The following KIF1A variants were observed in gnomAD, a reference collection of about 807,000 sequenced individuals.
KIF1A encodes the protein kinesin-like protein KIF1A.
In KIF1A, 46 loss-of-function variants were observed where a neutral mutation model predicts 227.3. The ratio of observed to expected loss-of-function variants is 0.20; its 90% CI spans 0.16 to 0.26. KIF1A has a LOEUF of 0.26. Among genes scored for constraint, KIF1A ranks in the 10% least tolerant of loss-of-function variants. The pLI, the probability that KIF1A is intolerant of heterozygous loss-of-function variation, is 1.00. For missense variants in KIF1A, 1,683 were observed against 2,485.9 expected (o/e 0.68, Z 6.87); for synonymous variants, 1,022 against 1,012.8 (o/e 1.01, Z -0.17).
At chr2:240,812,963 A>ACCTCGGAGATCCG (rs1575678011) in intron 1 of KIF1A, among the ~76,000 whole-genome samples, 10 of 60,038 alleles carry the variant, frequency 1.7e-4, no homozygotes, top group African/African-American at 4.6e-4. Flanking sequence ...TCAAGGATCC[A>ACCTCGGAGATCCG]CCTTCACCTC....
rs1390075727 is a variant in KIF1A at position 240,778,340 on chromosome 2, C to T, written c.883-2414G>A. ...CACAGGCGTTCCTCACCATTCTCCA[C>T]ACGCCAGTCCCCACCGTCCCTGACA... On this transcript the variant is annotated intron_variant, in intron 10 of 48. Transcript: ENST00000498729. This position sits in a 1 kb window ranked among gnomAD's most constrained non-coding sequence, Gnocchi z 7.2. Among the ~76,000 whole-genome samples the T allele has an allele frequency of 6.6e-6, 1 of 152,016 alleles. No individual in the cohort carries two copies. Among genetic ancestry groups the T allele is most frequent in the Non-Finnish European group, 1.5e-5 (1 of 67,998 alleles).
chr2:240,792,425 C>G lies in KIF1A; in HGVS notation c.107-3113G>C, dbSNP rs1022398197. Among the ~76,000 whole-genome samples the G allele has an allele frequency of 1.3e-5, 2 of 152,094 alleles. No individual in the cohort carries two copies. The highest frequency in any genetic ancestry group is 2.9e-5 in the Non-Finnish European group (2 of 68,012). On this transcript the variant is annotated intron_variant, in intron 2 of 48. Transcript: ENST00000498729. This position sits in a 1 kb window ranked among gnomAD's most constrained non-coding sequence, Gnocchi z 4.5. ...TCTGGCCAGGCCCCCAGAGCTGGGC[C>G]CCTCCAAGGCCGGCGAGGTGCCCAG...
Position 240,790,909 on chromosome 2 carries a change from T to C in KIF1A, c.107-1597A>G, listed in dbSNP as rs1259055048. On this transcript the variant is annotated intron_variant, in intron 2 of 48. Coordinates refer to ENST00000498729, the MANE Select transcript of KIF1A (RefSeq NM_001244008.2). The surrounding 1 kb of genome is among the most constrained non-coding windows in gnomAD (Gnocchi z 5.0). Reference sequence around the variant, plus strand: ...CCAGAATCACGAGACAGCACACTTCTGTTTGCGGTGCTTCCTTATGGCAGT... The same window carrying C: ...CCAGAATCACGAGACAGCACACTTCCGTTTGCGGTGCTTCCTTATGGCAGT... 1.3e-5 allele frequency among the ~76,000 whole-genome samples: 2 copies of C among 152,144 alleles called. No homozygotes were observed. The highest frequency in any genetic ancestry group is 3.9e-4 in the East Asian group (2 of 5,180).
chr2:240,772,344 A>G (rs1362164882), intron 14 of KIF1A, among the ~76,000 whole-genome samples: 1 of 152,104 alleles, frequency 6.6e-6, no homozygotes, highest in Admixed American at 6.5e-5. Flanking sequence ...TGTAGACCAT[A>G]TGGGTGGGAA....
At chr2:240,808,555 C>G (rs2057610418) in intron 1 of KIF1A, among the ~76,000 whole-genome samples, 1 of 151,554 alleles carries the variant, frequency 6.6e-6, no homozygotes, top group Non-Finnish European at 1.5e-5. Context: ...ATCTGTAGTA[C>G]CAGCTCCTTG....
chr2:240,724,102 G>T, intron 40 of KIF1A, 66 bp from the exon 41 acceptor site: 1 of 1,426,650 alleles, frequency 7.0e-7, no homozygotes, highest in Non-Finnish European at 9.9e-7. Context: ...CAGCCAGCCT[G>T]GCTGCTGACT....
chr2:240,747,938 T>G (rs748527348), intron 28 of KIF1A, among the ~76,000 whole-genome samples: 18 of 152,238 alleles, frequency 1.2e-4, no homozygotes, highest in Non-Finnish European at 2.5e-4. Flanking sequence ...AACAGCAAAC[T>G]GACCTCGCCC....
At chr2:240,801,552 T>C (rs1391400787) in intron 1 of KIF1A, among the ~76,000 whole-genome samples, 1 of 152,178 alleles carries the variant, frequency 6.6e-6, no homozygotes, top group East Asian at 1.9e-4. Context: ...AGAAATGGAA[T>C]GGGGGTGCCA....
intron 42 of KIF1A, 57 bp from the exon 43 acceptor site, chr2:240,722,713 G>T: frequency 7.3e-7 from 1 of 1,367,230 alleles, no homozygotes. Flanking sequence ...CTCCGGAGTT[G>T]TGCTCAGCCT....
chr2:240,811,552 G>A (rs2057867060), intron 1 of KIF1A, among the ~76,000 whole-genome samples: 1 of 152,108 alleles, frequency 6.6e-6, no homozygotes, highest in Non-Finnish European at 1.5e-5. Context: ...GGGGGTTGCG[G>A]TCCACAGTGC....
At chr2:240,762,226 T>C (rs2050618731) in intron 23 of KIF1A, among the ~76,000 whole-genome samples, 1 of 152,248 alleles carries the variant, frequency 6.6e-6, no homozygotes, top group African/African-American at 2.4e-5. Flanking sequence ...GGGCCACCTC[T>C]GCCCACAGCT....
At chr2:240,809,599 A>G (rs1314169426) in intron 1 of KIF1A, among the ~76,000 whole-genome samples, 1 of 152,104 alleles carries the variant, frequency 6.6e-6, no homozygotes, top group Non-Finnish European at 1.5e-5. Context: ...AAAGACCTCT[A>G]TGTTAACAAA....
chr2:240,787,290 G>C lies in KIF1A; in HGVS notation c.390C>G (p.Ile130Met), dbSNP rs778005012. Residue 130 changes from isoleucine (I) to methionine (M), a missense_variant, in exon 5 of 49, where the codon ATC (isoleucine) becomes ATG (methionine). Coordinates refer to ENST00000498729, the MANE Select transcript of KIF1A (RefSeq NM_001244008.2). ...ACATGTTGTCGTTGGTCGTGTCGTT[G>C]ATCCGAGAGAAGAGGTCCTCGCAGA... The part of the protein sequence containing the change: ...PQLCEDLFSR[I>M]NDTTNDNMSY... The C allele has an allele frequency of 6.2e-7, 1 of 1,613,420 alleles. No individual in the cohort carries two copies. The highest frequency in any genetic ancestry group is 8.5e-7 in the Non-Finnish European group (1 of 1,179,772).
chr2:240,731,091 GA>G (rs1343445139), intron 38 of KIF1A, among the ~76,000 whole-genome samples: 2 of 151,664 alleles, frequency 1.3e-5, no homozygotes, highest in South Asian at 4.2e-4. Context: ...AACCTGGCCT[GA>G]GGGCAAATCT....
At chr2:240,759,153 G>A (rs1336163445) in intron 25 of KIF1A, among the ~76,000 whole-genome samples, 5 of 151,202 alleles carry the variant, frequency 3.3e-5, no homozygotes, top group African/African-American at 1.2e-4. Context: ...GAGTGTGTGT[G>A]TGTGTGTGTG....
rs974275413 is a variant in KIF1A, at chr2:240,789,411, G to A, written c.107-99C>T. 82 of 1,019,796 alleles carry A rather than the reference G, an allele frequency of 8.0e-5. 1 individual carries two copies. Among genetic ancestry groups the A allele is most frequent in the Non-Finnish European group, 1.1e-4 (71 of 655,694 alleles). 63.2% of individuals were successfully genotyped at this position (1,019,796 alleles called of 1,614,324 possible). A position where few individuals can be genotyped will look rare whatever the true frequency, so the allele number is the denominator to read the frequency against. ...TGGGGAGATGGTCTTAAGAGGCCTC[G>A]GGCCCCAGACAAGCCAGGCCCCCAA... On this transcript the variant is annotated intron_variant, in intron 2 of 48. Transcript: ENST00000498729. The surrounding 1 kb of genome is among the most constrained non-coding windows in gnomAD (Gnocchi z 4.8).
chr2:240,745,949 A>C (rs764275042), intron 30 of KIF1A, 40 bp from the exon 31 acceptor site: 1 of 1,593,044 alleles, frequency 6.3e-7, no homozygotes, highest in Non-Finnish European at 8.6e-7. Flanking sequence ...CCTCCAGGCC[A>C]TATTGTCTTC....
At position 240,788,046 on chromosome 2, in the gene KIF1A, C is replaced by CAA; in HGVS notation, c.363+4_363+5insTT. On this transcript the variant is annotated splice_donor_region_variant and intron_variant, in intron 4 of 48. Coordinates refer to ENST00000498729, the MANE Select transcript of KIF1A (RefSeq NM_001244008.2). This position sits in a 1 kb window ranked among gnomAD's most constrained non-coding sequence, Gnocchi z 6.6. ...GGCTGCCCCCGCCCGCCCCCCGCTT[C>CAA]GTGCCTGTGGGATGATGCCCTGCTG... The CAA allele has an allele frequency of 8.5e-7, 1 of 1,173,784 alleles. No individual in the cohort carries two copies. Among genetic ancestry groups the CAA allele is most frequent in the Non-Finnish European group, 1.2e-6 (1 of 827,382 alleles). 72.7% of individuals were successfully genotyped at this position (1,173,784 alleles called of 1,614,324 possible).
chr2:240,735,659 C>T (rs2047227691), intron 38 of KIF1A, among the ~76,000 whole-genome samples: 2 of 152,192 alleles, frequency 1.3e-5, no homozygotes, highest in African/African-American at 4.8e-5. Context: ...ATGGCCCAGG[C>T]ACAGCAGCCC....
Sources: gnomAD v4.1 joint callset for allele counts (sites outside exome capture counted in the v4.1 genomes callset) on GRCh38, gnomAD v4.1.1 for gene constraint, Gnocchi (gnomAD v3.1) non-coding constraint, MANE v1.5 for transcripts, NCBI Gene and HGNC (gene_info 2026-07-23, HGNC 2026-07-21) for gene names.